Variants in DOCK10 observed in about 807,000 individuals in gnomAD.
DOCK10 encodes the protein dedicator of cytokinesis 10, also known as dedicator of cytokinesis protein 10.
Under a neutral mutation model 280.1 loss-of-function variants are expected in DOCK10, and 145 were observed. The ratio of observed to expected loss-of-function variants is 0.52; its 90% confidence interval spans 0.45 to 0.59. The LOEUF (loss-of-function observed/expected upper bound fraction) is 0.59. DOCK10 is among the 20% of genes least tolerant of loss of function. The pLI is 0.00. For missense variants in DOCK10, 2,368 were observed against 2,651.7 expected, an observed-to-expected ratio of 0.89 and a Z score of 2.35; for synonymous variants, 915 against 942.2, an observed-to-expected ratio of 0.97 and a Z score of 0.53.
chr2:224,922,119 C>CAA (rs35964702), intron 2 of DOCK10, among the ~76,000 whole-genome samples: 160 of 50,830 alleles, frequency 3.1e-3, no homozygotes, highest in East Asian at 4.7e-3. Context: ...AACTCCATCT[C>CAA]AAAAAAAAAA....
intron 55 of DOCK10, 102 bp from the exon 56 acceptor site, chr2:224,765,939 G>A: frequency 6.6e-6 from 5 of 760,998 alleles, no homozygotes; most frequent in Non-Finnish European, 7.9e-6. Flanking sequence ...TTCCCCACAG[G>A]GTAATTTATT....
At chr2:224,822,216 A>G (rs1405161625) in intron 28 of DOCK10, among the ~76,000 whole-genome samples, 1 of 152,184 alleles carries the variant, frequency 6.6e-6, no homozygotes, top group Non-Finnish European at 1.5e-5. Context: ...ACAGAAAACT[A>G]TTATCTTTCT....
intron 2 of DOCK10, among the ~76,000 whole-genome samples, chr2:224,919,824 G>T (rs901368485): frequency 5.9e-5 from 9 of 152,062 alleles, no homozygotes; most frequent in Non-Finnish European, 1.3e-4. Context: ...AGAAAACTAG[G>T]ATCTAGAGAC....
rs535796918 is a variant in DOCK10 at position 224,865,034 on chromosome 2, C to T, written c.1311G>A (p.Lys437=). 1.2e-5 allele frequency: 20 copies of T among 1,613,986 alleles called. No individual in the cohort carries two copies. The African/African-American group carries it at 2.0e-4, about 16-fold the overall frequency. The change falls in exon 12 of 56, where the codon AAG becomes AAA. Residue 437 remains lysine, a synonymous_variant. Transcript: ENST00000258390. ...GATCCACATGAAAATCAGCAGAAAT[C>T]TTCCTGCTGTCTCTGAGGTCATAAA... ...VALYDLRDSR[K]ISADFHVDLN...
intron 1 of DOCK10, among the ~76,000 whole-genome samples, chr2:224,993,397 G>C (rs974649878): frequency 6.6e-6 from 1 of 152,146 alleles, no homozygotes; most frequent in African/African-American, 2.4e-5. Context: ...CACAGCACCT[G>C]ATATATTGGG....
At chr2:224,926,994 C>A (rs1176251240) in intron 2 of DOCK10, among the ~76,000 whole-genome samples, 1 of 152,054 alleles carries the variant, frequency 6.6e-6, no homozygotes, top group African/African-American at 2.4e-5. Flanking sequence ...AAAAAGCAAA[C>A]CAAGATATTT....
intron 26 of DOCK10, among the ~76,000 whole-genome samples, chr2:224,832,768 ACTCCTACCCCT>A (rs2125406223): frequency 6.6e-6 from 1 of 151,752 alleles, no homozygotes; most frequent in Non-Finnish European, 1.5e-5. Context: ...AATTCAACAG[ACTCCTACCCCT>A]CTCCATCCCT....
intron 51 of DOCK10, 54 bp from the exon 52 acceptor site, chr2:224,775,169 A>G: frequency 1.9e-6 from 3 of 1,539,998 alleles, no homozygotes; most frequent in Admixed American, 3.4e-5. Context: ...GCGCTCTGAA[A>G]GCGGGAAGCT....
intron 48 of DOCK10, among the ~76,000 whole-genome samples, 169 bp from the exon 49 acceptor site, chr2:224,787,566 CCGTTA>C (rs1691822908): frequency 6.6e-6 from 1 of 152,180 alleles, no homozygotes; most frequent in South Asian, 2.1e-4. Flanking sequence ...TCCCGCACTG[CCGTTA>C]CCTAATTCGT....
At chr2:224,954,008 G>GTCTGTACATACATAATTT (rs1703910701) in intron 1 of DOCK10, among the ~76,000 whole-genome samples, 1 of 152,040 alleles carries the variant, frequency 6.6e-6, no homozygotes, top group African/African-American at 2.4e-5. Flanking sequence ...GTCTGTACAG[G>GTCTGTACATACATAATTT]TATATAGGCA....
intron 3 of DOCK10, among the ~76,000 whole-genome samples, chr2:224,904,045 G>T (rs567019612): frequency 6.6e-6 from 1 of 151,994 alleles, no homozygotes; most frequent in South Asian, 2.1e-4. Flanking sequence ...ATTACCTTTA[G>T]TGTTATACAT....
chr2:225,041,879 T>TC (rs981647043), intron 1 of DOCK10, among the ~76,000 whole-genome samples: 4 of 151,966 alleles, frequency 2.6e-5, no homozygotes, highest in African/African-American at 7.2e-5. Context: ...GTTCTGTAGA[T>TC]CCCCCCACCC....
chr2:224,967,076 T>A (rs957959305), intron 1 of DOCK10, among the ~76,000 whole-genome samples: 8 of 148,798 alleles, frequency 5.4e-5, no homozygotes, highest in Admixed American at 4.1e-4. Context: ...CACCCTATCC[T>A]CTAGTCTTTT....
intron 3 of DOCK10, among the ~76,000 whole-genome samples, chr2:224,909,007 G>C (rs1228551326): frequency 6.6e-6 from 1 of 152,142 alleles, no homozygotes; most frequent in African/African-American, 2.4e-5. Flanking sequence ...CAGCTGAAGT[G>C]GTCCCTAGAC....
Position 224,960,730 on chromosome 2 carries a change from C to CTTTTT in DOCK10, c.124-29067_124-29063dup, listed in dbSNP as rs71281764. On this transcript the variant is annotated intron_variant, in intron 1 of 55. Transcript: ENST00000258390. ...TGCACAATGAACGCATCACCAAATT[C>CTTTTT]TTTTTTTTTTTTTTTTTTTTTTTTT... Among the ~76,000 whole-genome samples, 64 of 70,256 alleles carry CTTTTT rather than the reference C, an allele frequency of 9.1e-4. 4 individuals carry two copies. The highest frequency in any genetic ancestry group is 2.3e-3 in the African/African-American group (43 of 18,486). The allele number at this position is 70,256 out of a possible 152,430, so 46.1% of individuals were successfully genotyped here.
intron 1 of DOCK10, among the ~76,000 whole-genome samples, chr2:224,976,746 T>C (rs1705464180): frequency 6.6e-6 from 1 of 151,918 alleles, no homozygotes; most frequent in South Asian, 2.1e-4. Flanking sequence ...CAGGGGTCAG[T>C]AAGCATTTTC....
Position 224,830,616 on chromosome 2 carries a change from T to C in DOCK10, c.2965-4A>G. 1 of 1,511,450 alleles carries C rather than the reference T, an allele frequency of 6.6e-7. No individual in the cohort carries two copies. The highest frequency in any genetic ancestry group is 8.9e-7 in the Non-Finnish European group (1 of 1,125,216). 93.6% of individuals were successfully genotyped at this position (1,511,450 alleles called of 1,614,324 possible). A position where few individuals can be genotyped will look rare whatever the true frequency, so the allele number is the denominator to read the frequency against. ...TTGCAAAGAAGAACCAGGAATGCTGTTGGGAAAAAAAAGGCAACGAGACAT... is the reference window on the plus strand; with the variant it reads ...TTGCAAAGAAGAACCAGGAATGCTGCTGGGAAAAAAAAGGCAACGAGACAT... On this transcript the variant is annotated splice_region_variant and splice_polypyrimidine_tract_variant and intron_variant, in intron 26 of 55. Coordinates refer to ENST00000258390, the MANE Select transcript of DOCK10 (RefSeq NM_014689.3).
At position 224,874,736 on chromosome 2, in the gene DOCK10, G is replaced by A; in HGVS notation, c.947C>T (p.Ser316Phe). 1.2e-6 allele frequency: 2 copies of A among 1,613,724 alleles called. No homozygotes were observed. Among genetic ancestry groups the A allele is most frequent in the Non-Finnish European group, 1.7e-6 (2 of 1,179,692 alleles). The change falls in exon 9 of 56, where the codon TCT (serine) becomes TTT (phenylalanine). Residue 316 changes from serine to phenylalanine, a missense_variant. Transcript: ENST00000258390. ...TDLGLDSLDN[S>F]VTCECTPEET... is the part of the protein sequence containing the mutation. ...CTCTGGCGTGCATTCACAAGTTACA[G>A]AATTATCCAGCGAATCTTAAAAAGA...
rs370312925 is a variant in DOCK10 at position 224,962,650 on chromosome 2, A to T, written c.124-30982T>A. Among the ~76,000 whole-genome samples, 506 of 152,330 alleles carry T rather than the reference A, an allele frequency of 3.3e-3. 5 individuals carry two copies. Among genetic ancestry groups the T allele is most frequent in the Non-Finnish European group, 5.3e-3 (360 of 68,032 alleles). ...AGATAGTCTGACTTGTGACTATTCA[A>T]TTATACCTGTGGAAATCTTTCTGAA... On this transcript the variant is annotated intron_variant, in intron 1 of 55. Coordinates refer to ENST00000258390, the MANE Select transcript of DOCK10 (RefSeq NM_014689.3).
Sources: allele counts gnomAD v4.1 joint callset (sites outside exome capture counted in the v4.1 genomes callset), GRCh38; gene constraint gnomAD v4.1.1; transcripts MANE v1.5; gene names NCBI Gene and HGNC (gene_info 2026-07-23, HGNC 2026-07-21).